Variants in SPINT1 observed in about 807,000 individuals in gnomAD.
SPINT1 encodes kunitz-type protease inhibitor 1.
In SPINT1, 38 loss-of-function variants were observed where a neutral mutation model predicts 53.7. That is an observed-to-expected ratio of 0.71 (90% CI 0.55 to 0.93). SPINT1 has a LOEUF of 0.93. Ranked by LOEUF, SPINT1 falls within the 40% of genes least tolerant of loss-of-function variation. SPINT1 has a pLI of 0.00. For missense variants in SPINT1, 645 were observed against 692.9 expected (o/e 0.93, Z 0.78); for synonymous variants, 283 against 280.6 (o/e 1.01, Z -0.08).
chr15:40,850,695 G>A (rs1207890641), intron 2 of SPINT1, among the ~76,000 whole-genome samples: 2 of 152,122 alleles, frequency 1.3e-5, no homozygotes, highest in African/African-American at 2.4e-5. Flanking sequence ...TCAGCCCAGC[G>A]TTGTTTCTCA....
rs1274321326 is a variant in SPINT1 at position 40,857,407 on chromosome 15, A to G, written c.*432A>G. 2 of 174,444 alleles carry G rather than the reference A, an allele frequency of 1.1e-5. No homozygotes were observed. The highest frequency in any genetic ancestry group is 2.4e-5 in the Non-Finnish European group (2 of 82,840). 10.8% of individuals were successfully genotyped at this position (174,444 alleles called of 1,614,324 possible). ...GACTTCCCTGTGTAGTTTGTGCTGT[A>G]AAGAGTTGCTTTTTGTTTATTTAAT... On this transcript the variant is annotated 3_prime_UTR_variant, in exon 11 of 11. Transcript: ENST00000562057.
At position 40,856,925 on chromosome 15, in the gene SPINT1, A is replaced by G. The variant is rs775099101; in HGVS notation, c.1492A>G (p.Thr498Ala). ...PTPASSTVST[T>A]EDTEHLVYNH... ...CCCTGCCAGCTCCACTGTCTCCACTACCGAGGACACGGAGCACCTGGTCTA... is the reference window on the plus strand; with the variant it reads ...CCCTGCCAGCTCCACTGTCTCCACTGCCGAGGACACGGAGCACCTGGTCTA... Residue 498 changes from threonine to alanine, a missense_variant, in exon 11 of 11, where the codon ACC becomes GCC. Coordinates refer to ENST00000562057, the MANE Select transcript of SPINT1 (RefSeq NM_003710.4). 7 of 1,614,048 alleles carry G rather than the reference A, an allele frequency of 4.3e-6. No individual in the cohort carries two copies. The South Asian group carries it at 6.6e-5, about 15-fold the overall frequency.
At chr15:40,849,016 G>A (rs1891376486) in intron 2 of SPINT1, among the ~76,000 whole-genome samples, 2 of 151,850 alleles carry the variant, frequency 1.3e-5, no homozygotes, top group Admixed American at 6.5e-5. Context: ...GGAGGCCGGG[G>A]CGGGCGGATC....
intron 2 of SPINT1, 115 bp downstream of exon 2, chr15:40,845,144 T>C: frequency 1.2e-6 from 1 of 850,310 alleles, no homozygotes; most frequent in Non-Finnish European, 1.7e-6. Context: ...CTTTTTTTTT[T>C]CTTTTTCTTT....
At position 40,844,229 on chromosome 15, in the gene SPINT1, C is replaced by T. The variant is rs1006823928; in HGVS notation, c.-66+43C>T. On this transcript the variant is annotated intron_variant, in intron 1 of 10. Coordinates refer to ENST00000562057, the MANE Select transcript of SPINT1 (RefSeq NM_003710.4). The surrounding 1 kb of genome is among the most constrained non-coding windows in gnomAD (Gnocchi z 5.8). Reference sequence around the variant, plus strand: ...GCGCAAGGCCGAGGCGCAGGCGGAGCGGGCTGGAGCATGTCCGGCCCTTTG... The same window carrying T: ...GCGCAAGGCCGAGGCGCAGGCGGAGTGGGCTGGAGCATGTCCGGCCCTTTG... 2.3e-6 allele frequency: 1 copy of T among 437,998 alleles called. No homozygotes were observed. The highest frequency in any genetic ancestry group is 5.6e-5 in the East Asian group (1 of 17,830). 27.1% of individuals were successfully genotyped at this position (437,998 alleles called of 1,614,324 possible).
At position 40,856,833 on chromosome 15, in the gene SPINT1, TG is replaced by T; in HGVS notation, c.1403del (p.Gly468ValfsTer187). 1 of 1,614,058 alleles carries T rather than the reference TG, an allele frequency of 6.2e-7. No individual in the cohort carries two copies. The highest frequency in any genetic ancestry group is 8.5e-7 in the Non-Finnish European group (1 of 1,179,964). On this transcript the variant is annotated frameshift_variant, in exon 11 of 11. Coordinates refer to ENST00000562057, the MANE Select transcript of SPINT1 (RefSeq NM_003710.4). LOFTEE classifies it high-confidence loss of function. ...VICIVVVVAILGYCFFKNQRK... is the reference protein window; with the variant it reads ...VICIVVVVAIXGYCFFKNQRK... The stretch of plus-strand genomic sequence containing the variant: ...TGCATTGTGGTGGTGGTAGCCATCT[TG>T]GGTTACTGCTTCTTCAAGAACCAGA...
chr15:40,852,609 AT>A (rs1891491662), intron 2 of SPINT1, among the ~76,000 whole-genome samples: 2 of 149,714 alleles, frequency 1.3e-5, no homozygotes, highest in African/African-American at 2.5e-5. Flanking sequence ...AAATAAGCCT[AT>A]CCCCTCAAGT....
Position 40,855,886 on chromosome 15 carries a change from C to G in SPINT1, c.1118-6C>G. 1 of 1,613,270 alleles carries G rather than the reference C, an allele frequency of 6.2e-7. No homozygotes were observed. The highest frequency in any genetic ancestry group is 8.5e-7 in the Non-Finnish European group (1 of 1,179,474). ...CGCTCACCATAGCCTACCCCATACC[C>G]CCCAGGGCACTGCGTGGACCTGCCA... On this transcript the variant is annotated splice_polypyrimidine_tract_variant and splice_region_variant and intron_variant, in intron 8 of 10. Transcript: ENST00000562057.
intron 9 of SPINT1, 53 bp from the exon 10 acceptor site, chr15:40,856,223 C>T (rs1181390018): frequency 3.1e-6 from 5 of 1,610,316 alleles, no homozygotes; most frequent in Non-Finnish European, 4.2e-6. Flanking sequence ...TGGGGAGCAG[C>T]TGAGTCTCTG....
intron 8 of SPINT1, 77 bp downstream of exon 8, chr15:40,854,766 C>T: frequency 6.3e-7 from 1 of 1,578,284 alleles, no homozygotes; most frequent in Non-Finnish European, 8.7e-7. Flanking sequence ...CCAGCAGTGC[C>T]TGAGGGGCCT....
Position 40,844,221 on chromosome 15 carries a change from A to T in SPINT1, c.-66+35A>T. 1 of 417,556 alleles carries T rather than the reference A, an allele frequency of 2.4e-6. No homozygotes were observed. The highest frequency in any genetic ancestry group is 4.4e-6 in the Non-Finnish European group (1 of 225,228). The allele number at this position is 417,556 out of a possible 1,614,324, so 25.9% of individuals were successfully genotyped here. ...GCCCCCGCGCGCAAGGCCGAGGCGC[A>T]GGCGGAGCGGGCTGGAGCATGTCCG... On this transcript the variant is annotated intron_variant, in intron 1 of 10. Coordinates refer to ENST00000562057, the MANE Select transcript of SPINT1 (RefSeq NM_003710.4). This position sits in a 1 kb window ranked among gnomAD's most constrained non-coding sequence, Gnocchi z 5.8.
At chr15:40,848,349 A>G (rs1480816847) in intron 2 of SPINT1, among the ~76,000 whole-genome samples, 1 of 152,324 alleles carries the variant, frequency 6.6e-6, no homozygotes, top group East Asian at 1.9e-4. Context: ...TGTGGAGGGT[A>G]GTTGGGCAAT....
chr15:40,854,754 A>G (rs1341958307), intron 8 of SPINT1, 65 bp downstream of exon 8: 12 of 1,597,412 alleles, frequency 7.5e-6, no homozygotes, highest in Middle Eastern at 1.7e-4. Context: ...CACTATTTCC[A>G]TCCAGCAGTG....
rs1423646224 is a variant in SPINT1 at position 40,857,791 on chromosome 15, GC to G, written c.*820del. On this transcript the variant is annotated 3_prime_UTR_variant, in exon 11 of 11. Coordinates refer to ENST00000562057, the MANE Select transcript of SPINT1 (RefSeq NM_003710.4). ...CATCGTCTCTCTCGAAACTGGCCTG[GC>G]CCCTGACTTTGGAGAGCAGTGCCAT... 2 of 152,332 alleles carry G rather than the reference GC, an allele frequency of 1.3e-5. No homozygotes were observed. The highest frequency in any genetic ancestry group is 4.8e-5 in the African/African-American group (2 of 41,432). 9.4% of individuals were successfully genotyped at this position (152,332 alleles called of 1,614,324 possible). A position where few individuals can be genotyped will look rare whatever the true frequency, so the allele number is the denominator to read the frequency against.
intron 2 of SPINT1, among the ~76,000 whole-genome samples, chr15:40,848,407 A>C (rs898074258): frequency 6.6e-6 from 1 of 152,258 alleles, no homozygotes; most frequent in African/African-American, 2.4e-5. Flanking sequence ...TTCCACTTGT[A>C]GGAATTCATC....
intron 2 of SPINT1, among the ~76,000 whole-genome samples, chr15:40,850,055 C>G (rs1016217723): frequency 6.6e-6 from 1 of 152,142 alleles, no homozygotes; most frequent in Admixed American, 6.5e-5. Flanking sequence ...AAGGATTCTC[C>G]TTTTGTTTTT....
At chr15:40,849,328 C>T (rs1891389882) in intron 2 of SPINT1, among the ~76,000 whole-genome samples, 1 of 152,038 alleles carries the variant, frequency 6.6e-6, no homozygotes, top group African/African-American at 2.4e-5. Flanking sequence ...CTCGCTGCAG[C>T]CTCAACCTCA....
In SPINT1 at chr15:40,848,019, T is replaced by G. The variant is rs74011890; in HGVS notation, c.475+2990T>G. 9.1e-3 allele frequency among the ~76,000 whole-genome samples: 1,390 copies of G among 152,314 alleles called. 21 individuals carry two copies. Among genetic ancestry groups the G allele is most frequent in the African/African-American group, 0.032 (1,338 of 41,558 alleles). ...GGAGGTTGCCTCCAGACAGCCACTT[T>G]TCGTTCCTGCTCATCCCTGTCTTAT... On this transcript the variant is annotated intron_variant, in intron 2 of 10. Coordinates refer to ENST00000562057, the MANE Select transcript of SPINT1 (RefSeq NM_003710.4).
intron 2 of SPINT1, among the ~76,000 whole-genome samples, chr15:40,845,529 A>G (rs373367867): frequency 3.1e-4 from 47 of 152,232 alleles, no homozygotes; most frequent in African/African-American, 1.1e-3. Context: ...TCACAGCCAG[A>G]TCGCCTTCAC....
Sources: gnomAD v4.1 joint callset for allele counts (sites outside exome capture counted in the v4.1 genomes callset) on GRCh38, gnomAD v4.1.1 for gene constraint, Gnocchi (gnomAD v3.1) non-coding constraint, MANE v1.5 for transcripts, NCBI Gene and HGNC (gene_info 2026-07-23, HGNC 2026-07-21) for gene names.